STRA6: variants seen among roughly 807,000 people sequenced by gnomAD.
The protein encoded by STRA6 is signaling receptor and transporter of retinol STRA6.
Under a neutral mutation model 83.6 loss-of-function variants are expected in STRA6, and 48 were observed. That is an observed-to-expected ratio of 0.57 (90% CI 0.46 to 0.73). The LOEUF is 0.73. Ranked by LOEUF, STRA6 falls within the 30% of genes least tolerant of loss-of-function variation. STRA6 has a pLI of 0.00. For synonymous variants in STRA6, 353 were observed against 362.3 expected (o/e 0.97, Z 0.29); for missense variants, 760 against 838.8 (o/e 0.91, Z 1.16).
upstream of STRA6, chr15:74,212,179 C>T (rs537623101): frequency 2.1e-4 from 32 of 152,662 alleles, no homozygotes; most frequent in African/African-American, 5.3e-4. Context: ...TCTCGGGATC[C>T]GCAGAGTCTA....
chr15:74,207,687 C>G, upstream of STRA6: 1 of 1,535,508 alleles, frequency 6.5e-7, no homozygotes, highest in South Asian at 1.2e-5. Context: ...GGGATGGCCA[C>G]TGTGCCCACC....
upstream of STRA6, among the ~76,000 whole-genome samples, chr15:74,209,860 G>A (rs1210694211): frequency 1.3e-5 from 2 of 152,196 alleles, no homozygotes; most frequent in Non-Finnish European, 2.9e-5. Flanking sequence ...GCCAAGAAGC[G>A]GGGCCCTAAA....
In STRA6 at chr15:74,188,520, G is replaced by A. The variant is rs548970590; in HGVS notation, c.1090+595C>T. Among the ~76,000 whole-genome samples the A allele has an allele frequency of 6.6e-6, 1 of 152,350 alleles. No homozygotes were observed. The highest frequency in any genetic ancestry group is 3.4e-3 in the Middle Eastern group (1 of 294). On this transcript the variant is annotated intron_variant, in intron 12 of 18. Coordinates refer to ENST00000395105, the MANE Select transcript of STRA6 (RefSeq NM_022369.4). The surrounding 1 kb of genome is among the most constrained non-coding windows in gnomAD (Gnocchi z 4.5). ...AATCCTTCCCCATGTGTCAAGTGGG[G>A]ACACTTCTCAGTCCCCTCCACAGCG...
upstream of STRA6, chr15:74,209,693 C>G: frequency 2.0e-6 from 1 of 508,698 alleles, no homozygotes; most frequent in Non-Finnish European, 3.5e-6. Context: ...TGCATCCCCC[C>G]TCACCTGAGC....
intron 12 of STRA6, among the ~76,000 whole-genome samples, chr15:74,187,124 G>C (rs944261440): frequency 6.6e-6 from 1 of 152,184 alleles, no homozygotes; most frequent in Non-Finnish European, 1.5e-5. Context: ...TGAACAGCCC[G>C]CCTGCTGAGC....
intron 1 of STRA6, chr15:74,208,103 G>A: frequency 8.7e-7 from 1 of 1,154,226 alleles, no homozygotes; most frequent in Non-Finnish European, 1.1e-6. Context: ...CACTGGTGAG[G>A]AGGAGGAGGG....
intron 11 of STRA6, among the ~76,000 whole-genome samples, chr15:74,189,527 G>C (rs546532512): frequency 6.6e-6 from 1 of 152,172 alleles, no homozygotes; most frequent in Non-Finnish European, 1.5e-5. Flanking sequence ...TCAGCCCTGC[G>C]TATCTGTGGG....
intron 13 of STRA6, among the ~76,000 whole-genome samples, chr15:74,184,719 A>G (rs2073157572): frequency 6.6e-6 from 1 of 152,152 alleles, no homozygotes. Flanking sequence ...TCAGGGGGCA[A>G]GCTCCACTAG....
intron 14 of STRA6, 146 bp from the exon 15 acceptor site, chr15:74,182,606 A>G: frequency 1.5e-6 from 1 of 659,052 alleles, no homozygotes; most frequent in Non-Finnish European, 2.7e-6. Flanking sequence ...TGCTGCCTTG[A>G]ACAAATCACT....
chr15:74,180,733 G>A, intron 18 of STRA6, 49 bp downstream of exon 18: 1 of 1,564,782 alleles, frequency 6.4e-7, no homozygotes. Context: ...ATCCTTCCTA[G>A]AAGAAGCTGG....
At position 74,181,962 on chromosome 15, in the gene STRA6, G is replaced by A. The variant is rs1567177993; in HGVS notation, c.1520+199C>T. On this transcript the variant is annotated intron_variant, in intron 16 of 18. Transcript: ENST00000395105. ...ACGGGGGTACTTCCAGCCCCATGCC[G>A]GGTATGTAGAGAGGTACTTTGGAGT... Among the ~76,000 whole-genome samples, 5 of 152,320 alleles carry A rather than the reference G, an allele frequency of 3.3e-5. No individual in the cohort carries two copies. The South Asian group carries it at 6.2e-4, about 19-fold the overall frequency.
chr15:74,207,640 G>A (rs1029157695), upstream of STRA6: 66 of 1,470,410 alleles, frequency 4.5e-5, 2 homozygotes, highest in South Asian at 6.0e-5. Context: ...TCGATAGCAC[G>A]GAAGAGAACA....
At chr15:74,203,208 C>T, upstream of STRA6, 1 of 972,906 alleles carries the variant, frequency 1.0e-6, no homozygotes, top group East Asian at 1.3e-4. Flanking sequence ...CATTGGTAAA[C>T]CCTTTTTGTT....
At chr15:74,195,015 TG>T (rs2073741959) in intron 7 of STRA6, 2 of 1,433,656 alleles carry the variant, frequency 1.4e-6, no homozygotes, top group South Asian at 1.5e-5. Context: ...GCATTGGGGG[TG>T]GGGGCCATTT....
chr15:74,195,911 T>G, intron 5 of STRA6, 97 bp downstream of exon 5: 2 of 1,544,300 alleles, frequency 1.3e-6, no homozygotes, highest in South Asian at 2.3e-5. Flanking sequence ...CAGCTGTTCC[T>G]GTTACTCTCA....
upstream of STRA6, chr15:74,203,045 C>T: frequency 1.0e-6 from 1 of 985,902 alleles, no homozygotes; most frequent in Non-Finnish European, 1.2e-6. Flanking sequence ...CCCCTGCCCG[C>T]CACATCTGCA....
chr15:74,195,209 C>T (rs2142049961), intron 7 of STRA6, 93 bp downstream of exon 7: 5 of 1,555,308 alleles, frequency 3.2e-6, no homozygotes, highest in Non-Finnish European at 4.3e-6. Flanking sequence ...GCAGGGCGGC[C>T]CATCATAGAA....
chr15:74,193,260 C>T (rs888672649), intron 8 of STRA6, among the ~76,000 whole-genome samples: 5 of 152,214 alleles, frequency 3.3e-5, no homozygotes, highest in African/African-American at 9.7e-5. Flanking sequence ...TGCTCTTTCC[C>T]GTGCCTACAA....
Position 74,180,217 on chromosome 15 carries a change from A to C in STRA6, c.1867T>G (p.Ser623Ala), listed in dbSNP as rs781757356. The change falls in exon 19 of 19, where the codon TCC becomes GCC. Residue 623 changes from serine to alanine, a missense_variant. Coordinates refer to ENST00000395105, the MANE Select transcript of STRA6 (RefSeq NM_022369.4). Reference sequence around the variant, plus strand: ...CCGGGCCTAGCTCCCTTGGCCATGGAGTCCTTTGTCTGTAGCAGCTGCATC... The same window carrying C: ...CCGGGCCTAGCTCCCTTGGCCATGGCGTCCTTTGTCTGTAGCAGCTGCATC... ...EGMQLLQTKD[S>A]MAKGARPGAS... 15 of 1,614,006 alleles carry C rather than the reference A, an allele frequency of 9.3e-6. No homozygotes were observed. The highest frequency in any genetic ancestry group is 1.2e-5 in the Non-Finnish European group (14 of 1,180,032).
Sources: gnomAD v4.1 joint callset for allele counts (sites outside exome capture counted in the v4.1 genomes callset) on GRCh38, gnomAD v4.1.1 for gene constraint, Gnocchi (gnomAD v3.1) non-coding constraint, MANE v1.5 for transcripts, NCBI Gene and HGNC (gene_info 2026-07-23, HGNC 2026-07-21) for gene names.